The following KCTD20 variants were observed in gnomAD, a reference collection of about 807,000 sequenced individuals.
KCTD20 encodes the protein potassium channel tetramerization domain containing 20.
Under a neutral mutation model 39.6 loss-of-function variants are expected in KCTD20, and 30 were observed. That is an observed-to-expected ratio of 0.76 (90% CI 0.57 to 1.03). The LOEUF is 1.03. KCTD20 is among the 50% of genes least tolerant of loss of function. KCTD20 has a pLI of 0.00. For synonymous variants in KCTD20, 162 were observed against 180.6 expected (o/e 0.90, Z 0.83); for missense variants, 422 against 522.0 (o/e 0.81, Z 1.87).
At chr6:36,448,039 A>T (rs1036931536) in intron 1 of KCTD20, among the ~76,000 whole-genome samples, 1 of 146,934 alleles carries the variant, frequency 6.8e-6, no homozygotes, top group Non-Finnish European at 1.5e-5. Flanking sequence ...ATATATATAT[A>T]TTTGAAATAC....
At chr6:36,447,175 G>T (rs896952803) in intron 1 of KCTD20, among the ~76,000 whole-genome samples, 1 of 152,106 alleles carries the variant, frequency 6.6e-6, no homozygotes, top group African/African-American at 2.4e-5. Context: ...CATTTACTAG[G>T]TTGGATAAAG....
At chr6:36,470,516 A>G (rs1425018608) in intron 2 of KCTD20, among the ~76,000 whole-genome samples, 1 of 152,188 alleles carries the variant, frequency 6.6e-6, no homozygotes, top group Non-Finnish European at 1.5e-5. Context: ...GACATATTCA[A>G]CTTCTAGCTC....
intron 6 of KCTD20, among the ~76,000 whole-genome samples, chr6:36,483,991 G>C (rs905629218): frequency 4.0e-5 from 6 of 149,316 alleles, no homozygotes; most frequent in Admixed American, 4.0e-4. Context: ...CCAGGCTGGA[G>C]TGCAATGGCG....
At chr6:36,479,860 C>T (rs959274584) in intron 5 of KCTD20, 149 bp downstream of exon 5, 11 of 642,436 alleles carry the variant, frequency 1.7e-5, no homozygotes, top group African/African-American at 6.3e-5. Context: ...GGCACGATCT[C>T]GGCTTACCGC....
intron 3 of KCTD20, among the ~76,000 whole-genome samples, chr6:36,478,745 GAA>G (rs1316276640): frequency 6.6e-6 from 1 of 152,124 alleles, no homozygotes; most frequent in Non-Finnish European, 1.5e-5. Flanking sequence ...TGTCAGTATA[GAA>G]AAGCAGGTTC....
chr6:36,483,256 GCTTTTT>G (rs779880387), intron 6 of KCTD20, among the ~76,000 whole-genome samples: 2,384 of 122,836 alleles, frequency 0.019, 78 homozygotes, highest in African/African-American at 0.06. Flanking sequence ...CAAAACAGTG[GCTTTTT>G]CTTTTTTTTT....
chr6:36,455,518 G>C (rs1442391209), intron 1 of KCTD20, among the ~76,000 whole-genome samples: 1 of 152,210 alleles, frequency 6.6e-6, no homozygotes, highest in Non-Finnish European at 1.5e-5. Context: ...ATCTGGAGGA[G>C]AAAAGTGGTA....
At chr6:36,473,359 G>GCCC (rs1775968004) in intron 2 of KCTD20, among the ~76,000 whole-genome samples, 1 of 152,008 alleles carries the variant, frequency 6.6e-6, no homozygotes, top group African/African-American at 2.4e-5. Context: ...ACCGCACCCG[G>GCCC]CCTATTTTTA....
intron 1 of KCTD20, among the ~76,000 whole-genome samples, chr6:36,455,827 G>C (rs561383977): frequency 3.3e-5 from 5 of 152,210 alleles, no homozygotes; most frequent in African/African-American, 1.2e-4. Flanking sequence ...GCAACTGATT[G>C]GATCAGGCCC....
chr6:36,446,024 G>GTTTTTTTTTTTTTTTTTTTT (rs553882182), intron 1 of KCTD20, among the ~76,000 whole-genome samples: 1 of 126,538 alleles, frequency 7.9e-6, no homozygotes, highest in Non-Finnish European at 1.6e-5. Context: ...TATGAACTCA[G>GTTTTTTTTTTTTTTTTTTTT]TTTTTTTTTT....
chr6:36,480,870 G>A (rs1385762635), intron 5 of KCTD20, among the ~76,000 whole-genome samples: 1 of 152,106 alleles, frequency 6.6e-6, no homozygotes, highest in Non-Finnish European at 1.5e-5. Context: ...TTAACTTAGT[G>A]TTTGCTAAGT....
chr6:36,475,175 G>C, intron 3 of KCTD20, 113 bp downstream of exon 3: 1 of 1,109,526 alleles, frequency 9.0e-7, no homozygotes, highest in Non-Finnish European at 1.3e-6. Context: ...GTTGGGCGCG[G>C]TGGCTCACGT....
In KCTD20 at chr6:36,477,844, G is replaced by A. The variant is rs1220174545; in HGVS notation, c.435-1277G>A. On this transcript the variant is annotated intron_variant, in intron 3 of 7. Coordinates refer to ENST00000373731, the MANE Select transcript of KCTD20 (RefSeq NM_173562.5). Reference sequence around the variant, plus strand: ...CAGTTCGCCGGGCGCGGTGGCTCACGCCTGTAATCCCAGCACTTTGGGAGG... The same window carrying A: ...CAGTTCGCCGGGCGCGGTGGCTCACACCTGTAATCCCAGCACTTTGGGAGG... 1.2e-4 allele frequency among the ~76,000 whole-genome samples: 18 copies of A among 146,970 alleles called. 1 individual carries two copies. In the South Asian group the frequency reaches 3.5e-3, roughly 28 times the overall value.
Position 36,482,630 on chromosome 6 carries a change from ACT to A in KCTD20, c.856+872_856+873del, listed in dbSNP as rs1776287591. On this transcript the variant is annotated intron_variant, in intron 6 of 7. Transcript: ENST00000373731. ...CCTTTGCACAAATGTGCCATAATTG[ACT>A]TAACCAGCCATTATTGGACGTTTAA... Among the ~76,000 whole-genome samples, 6 of 147,858 alleles carry A rather than the reference ACT, an allele frequency of 4.1e-5. No homozygotes were observed. The South Asian group carries it at 1.3e-3, about 32-fold the overall frequency.
chr6:36,486,745 G>A, intron 7 of KCTD20, 138 bp from the exon 8 acceptor site: 2 of 721,788 alleles, frequency 2.8e-6, no homozygotes. Context: ...GGAAAGCATG[G>A]GACAGGGACT....
At chr6:36,453,060 T>G (rs1406061447) in intron 1 of KCTD20, among the ~76,000 whole-genome samples, 1 of 142,388 alleles carries the variant, frequency 7.0e-6, no homozygotes, top group Non-Finnish European at 1.5e-5. Context: ...CTGGCTGGAG[T>G]GCAGTGGCGC....
intron 7 of KCTD20, 38 bp from the exon 8 acceptor site, chr6:36,486,845 A>T (rs770607782): frequency 6.4e-7 from 1 of 1,550,628 alleles, no homozygotes; most frequent in African/African-American, 1.4e-5. Flanking sequence ...GAGTGAGCAC[A>T]ATTTGTTAGT....
chr6:36,480,513 C>T (rs1285258037), intron 5 of KCTD20, among the ~76,000 whole-genome samples: 1 of 149,488 alleles, frequency 6.7e-6, no homozygotes, highest in Non-Finnish European at 1.5e-5. Context: ...CCACCTCAGC[C>T]TCCTGAGTAG....
At chr6:36,445,540 C>T (rs929078020) in intron 1 of KCTD20, among the ~76,000 whole-genome samples, 9 of 152,144 alleles carry the variant, frequency 5.9e-5, no homozygotes, top group Admixed American at 6.6e-5. Context: ...ATCTGATCTT[C>T]CTGCCCCTCT....
Sources: allele counts gnomAD v4.1 joint callset (sites outside exome capture counted in the v4.1 genomes callset), GRCh38; gene constraint gnomAD v4.1.1; transcripts MANE v1.5; gene names NCBI Gene and HGNC (gene_info 2026-07-23, HGNC 2026-07-21).